ZNF804B: variants seen among roughly 807,000 people sequenced by gnomAD.
The protein encoded by ZNF804B is zinc finger 804B.
Under a neutral mutation model 101.4 loss-of-function variants are expected in ZNF804B, and 80 were observed. The observed-to-expected ratio is 0.79, with a 90% confidence interval of 0.66 to 0.95. The LOEUF (loss-of-function observed/expected upper bound fraction) is 0.95, where lower values mean the gene tolerates loss of function less well. ZNF804B is among the 40% of genes least tolerant of loss of function. The pLI is 0.00. For missense variants in ZNF804B, 1,673 were observed against 1,561.9 expected (o/e 1.07, Z -1.20); for synonymous variants, 622 against 558.8 (o/e 1.11, Z -1.59).
intron 2 of ZNF804B, among the ~76,000 whole-genome samples, chr7:89,249,095 T>A (rs1409442227): frequency 1.3e-5 from 2 of 148,644 alleles, no homozygotes; most frequent in African/African-American, 2.5e-5. Context: ...ACAAGAAGAC[T>A]TAACTATCCT....
At chr7:88,997,604 T>C (rs1003378934) in intron 1 of ZNF804B, among the ~76,000 whole-genome samples, 1 of 152,098 alleles carries the variant, frequency 6.6e-6, no homozygotes, top group African/African-American at 2.4e-5. Flanking sequence ...ACATCTGTAT[T>C]GCCATCAGGA....
Position 88,854,425 on chromosome 7 carries a change from T to TCC in ZNF804B, c.108+94341_108+94342insCC, listed in dbSNP as rs1562812613. 6.4e-4 allele frequency among the ~76,000 whole-genome samples: 74 copies of TCC among 115,270 alleles called. 1 individual carries two copies. The highest frequency in any genetic ancestry group is 2.1e-3 in the African/African-American group (63 of 29,404). 75.6% of individuals were successfully genotyped at this position (115,270 alleles called of 152,430 possible). A position where few individuals can be genotyped will look rare whatever the true frequency, so the allele number is the denominator to read the frequency against. ...TTTCTTTCTTTCTTCCTTTCTTTCT[T>TCC]TCTTTCTTTCTTTCTTTCTTTCTTT... On this transcript the variant is annotated intron_variant, in intron 1 of 3. Transcript: ENST00000333190.
intron 2 of ZNF804B, among the ~76,000 whole-genome samples, chr7:89,263,846 T>C (rs573110114): frequency 1.1e-3 from 164 of 152,306 alleles, no homozygotes; most frequent in African/African-American, 3.6e-3. Flanking sequence ...TTAGAGGAAG[T>C]GTAGCCCTGC....
chr7:88,766,113 A>G (rs1180247612), intron 1 of ZNF804B, among the ~76,000 whole-genome samples: 1 of 152,134 alleles, frequency 6.6e-6, no homozygotes, highest in Non-Finnish European at 1.5e-5. Flanking sequence ...GGTGTTCTAG[A>G]CCAGGTTGGG....
In ZNF804B at chr7:89,335,002, A is replaced by G; in HGVS notation, c.2020A>G (p.Ser674Gly). The G allele has an allele frequency of 6.2e-7, 1 of 1,613,904 alleles. No individual in the cohort carries two copies. Among genetic ancestry groups the G allele is most frequent in the Non-Finnish European group, 8.5e-7 (1 of 1,179,906 alleles). The part of the protein sequence containing the change: ...GGHSDHGKDF[S>G]VILKSNHISM... ...TCACAGTGACCATGGGAAAGACTTC[A>G]GTGTAATTTTGAAGAGTAACCACAT... is the stretch of plus-strand genomic sequence containing the variant. The change falls in exon 4 of 4, where the codon AGT (serine) becomes GGT (glycine). Residue 674 changes from serine (S) to glycine (G), a missense_variant. Transcript: ENST00000333190.
intron 1 of ZNF804B, among the ~76,000 whole-genome samples, chr7:89,011,796 C>G (rs6973409): frequency 0.82 from 125,084 of 152,102 alleles, 51,927 homozygotes; most frequent in African/African-American, 0.94. Flanking sequence ...CTGGCTTTGA[C>G]TGTCTGTAGC....
chr7:88,893,033 T>C (rs942292520), intron 1 of ZNF804B, among the ~76,000 whole-genome samples: 1 of 152,114 alleles, frequency 6.6e-6, no homozygotes, highest in Non-Finnish European at 1.5e-5. Context: ...GGGGCTTGTA[T>C]GGGGTTTTAA....
chr7:88,890,062 T>C (rs1406859748), intron 1 of ZNF804B, among the ~76,000 whole-genome samples: 1 of 152,132 alleles, frequency 6.6e-6, no homozygotes, highest in Non-Finnish European at 1.5e-5. Flanking sequence ...AATAAAATTA[T>C]ATTGACAATA....
At chr7:89,170,717 A>G (rs1462973791) in intron 1 of ZNF804B, among the ~76,000 whole-genome samples, 1 of 152,220 alleles carries the variant, frequency 6.6e-6, no homozygotes, top group Non-Finnish European at 1.5e-5. Context: ...GTAAAGAAAA[A>G]GTCACATAAT....
intron 1 of ZNF804B, among the ~76,000 whole-genome samples, chr7:88,909,480 AT>A (rs1041328082): frequency 1.1e-4 from 16 of 151,918 alleles, no homozygotes; most frequent in African/African-American, 3.9e-4. Context: ...TTTAAAAAAA[AT>A]CTTCCTCTTT....
intron 1 of ZNF804B, among the ~76,000 whole-genome samples, chr7:88,854,593 T>C (rs1791527431): frequency 1.4e-5 from 2 of 140,696 alleles, no homozygotes; most frequent in South Asian, 4.7e-4. Flanking sequence ...CTTCCCTTTA[T>C]TCCTTCCCTT....
In ZNF804B at chr7:89,218,006, C is replaced by A. The variant is rs1788922915; in HGVS notation, c.109-149C>A. ...TTGATAAGTTAGGGATGATGCAAAA[C>A]TAAAAGTTATTCTCACAGTGTCATG... On this transcript the variant is annotated intron_variant, in intron 1 of 3. Coordinates refer to ENST00000333190, the MANE Select transcript of ZNF804B (RefSeq NM_181646.5). 9 of 768,688 alleles carry A rather than the reference C, an allele frequency of 1.2e-5. No individual in the cohort carries two copies. In the Admixed American group the frequency reaches 2.4e-4, roughly 21 times the overall value. The allele number at this position is 768,688 out of a possible 1,614,324, so 47.6% of individuals were successfully genotyped here. A position where few individuals can be genotyped will look rare whatever the true frequency, so the allele number is the denominator to read the frequency against.
In ZNF804B at chr7:88,901,221, C is replaced by G. The variant is rs114437461; in HGVS notation, c.108+141137C>G. Among the ~76,000 whole-genome samples, 792 of 151,894 alleles carry G rather than the reference C, an allele frequency of 5.2e-3. 8 individuals are homozygous for G. Among genetic ancestry groups the G allele is most frequent in the African/African-American group, 0.018 (761 of 41,536 alleles). ...CAATATTCTTTCAAAGTTAGCATTT[C>G]AGTCTAAAATAAAAGTGAGCATGTA... On this transcript the variant is annotated intron_variant, in intron 1 of 3. Transcript: ENST00000333190.
rs927666055 is a variant in ZNF804B at position 89,020,143 on chromosome 7, A to G, written c.109-198012A>G. 5.9e-5 allele frequency among the ~76,000 whole-genome samples: 9 copies of G among 152,244 alleles called. No homozygotes were observed. The East Asian group carries it at 1.3e-3, about 23-fold the overall frequency. On this transcript the variant is annotated intron_variant, in intron 1 of 3. Transcript: ENST00000333190. ...TCTCTTTCTTTTTTGTACATAAGCA[A>G]TATTAGTGAGTTTCATAATTTAGTG... is the stretch of plus-strand genomic sequence containing the variant.
At chr7:89,169,858 G>A (rs1319283041) in intron 1 of ZNF804B, among the ~76,000 whole-genome samples, 2 of 152,130 alleles carry the variant, frequency 1.3e-5, no homozygotes. Flanking sequence ...GTGCTCAAGT[G>A]CCCAAGGATG....
At chr7:88,767,400 C>T (rs1790001124) in intron 1 of ZNF804B, among the ~76,000 whole-genome samples, 2 of 152,218 alleles carry the variant, frequency 1.3e-5, no homozygotes, top group African/African-American at 4.8e-5. Flanking sequence ...TCAGCTTCCC[C>T]TCTTTCCACT....
intron 2 of ZNF804B, among the ~76,000 whole-genome samples, chr7:89,230,056 T>A (rs1186442193): frequency 6.6e-6 from 1 of 152,010 alleles, no homozygotes; most frequent in Non-Finnish European, 1.5e-5. Context: ...AAAATTATAG[T>A]GTTGAATGTT....
At chr7:88,948,825 T>G (rs1237432512) in intron 1 of ZNF804B, among the ~76,000 whole-genome samples, 1 of 151,966 alleles carries the variant, frequency 6.6e-6, no homozygotes, top group East Asian at 2.0e-4. Flanking sequence ...TGGAGTCCTA[T>G]TTACCAATTT....
intron 1 of ZNF804B, among the ~76,000 whole-genome samples, chr7:88,796,705 A>T: frequency 6.6e-6 from 1 of 152,214 alleles, no homozygotes; most frequent in Admixed American, 6.5e-5. Flanking sequence ...ATGTGGTTGG[A>T]TCTCTCGCTC....
Sources: gnomAD v4.1 joint callset for allele counts (sites outside exome capture counted in the v4.1 genomes callset) on GRCh38, gnomAD v4.1.1 for gene constraint, MANE v1.5 for transcripts, NCBI Gene and HGNC (gene_info 2026-07-23, HGNC 2026-07-21) for gene names.